Variants in USP10 observed in about 807,000 individuals in gnomAD.
The protein encoded by USP10 is ubiquitin specific peptidase 10, also known as ubiquitin carboxyl-terminal hydrolase 10.
In USP10, 22 loss-of-function variants were observed where a neutral mutation model predicts 84.5. The observed-to-expected ratio is 0.26, with a 90% CI of 0.19 to 0.37. The LOEUF (loss-of-function observed/expected upper bound fraction) is 0.37. Among genes scored for constraint, USP10 ranks in the 10% least tolerant of loss-of-function variants. The pLI, the probability that USP10 is intolerant of heterozygous loss-of-function variation, is 1.00. For synonymous variants in USP10, 454 were observed against 387.6 expected, an observed-to-expected ratio of 1.17 and a Z score of -2.01; for missense variants, 1,019 against 998.9, an observed-to-expected ratio of 1.02 and a Z score of -0.27.
intron 1 of USP10, among the ~76,000 whole-genome samples, chr16:84,704,063 G>C (rs758298591): frequency 2.6e-4 from 39 of 152,238 alleles, no homozygotes; most frequent in South Asian, 1.2e-3. Flanking sequence ...TAAGCGGCAC[G>C]TTGCACTGTG....
At chr16:84,768,480 A>G (rs1185448772) in intron 11 of USP10, 122 bp downstream of exon 11, 13 of 953,920 alleles carry the variant, frequency 1.4e-5, no homozygotes, top group Admixed American at 3.5e-5. Context: ...TTGCTTAACC[A>G]TTTTGTACTG....
At chr16:84,735,714 G>C (rs970078088) in intron 2 of USP10, among the ~76,000 whole-genome samples, 2 of 152,156 alleles carry the variant, frequency 1.3e-5, no homozygotes, top group South Asian at 2.1e-4. Context: ...TCATGAAAAT[G>C]AGCTCAAGCT....
At chr16:84,758,928 G>C (rs977563554) in intron 5 of USP10, 121 bp downstream of exon 5, 37 of 736,358 alleles carry the variant, frequency 5.0e-5, no homozygotes, top group Non-Finnish European at 5.8e-5. Flanking sequence ...CCTAAGTCTG[G>C]TTTATTACTT....
chr16:84,712,241 G>A (rs1387889446), intron 1 of USP10, among the ~76,000 whole-genome samples: 1 of 152,240 alleles, frequency 6.6e-6, no homozygotes, highest in Non-Finnish European at 1.5e-5. Flanking sequence ...GCAGTCAGCT[G>A]TGTACAGAGG....
At chr16:84,731,522 C>G (rs1909230086) in intron 1 of USP10, among the ~76,000 whole-genome samples, 1 of 151,924 alleles carries the variant, frequency 6.6e-6, no homozygotes, top group African/African-American at 2.4e-5. Flanking sequence ...TTTCCTCCCC[C>G]CAAGAAAAAG....
intron 1 of USP10, among the ~76,000 whole-genome samples, chr16:84,705,876 C>T (rs991125007): frequency 4.6e-5 from 7 of 151,754 alleles, no homozygotes; most frequent in South Asian, 2.1e-4. Context: ...CCTGCTACCA[C>T]GCCCAGCTAA....
At chr16:84,761,174 G>A (rs1913166008) in intron 8 of USP10, among the ~76,000 whole-genome samples, 1 of 152,190 alleles carries the variant, frequency 6.6e-6, no homozygotes, top group Non-Finnish European at 1.5e-5. Flanking sequence ...GAGGGAATGA[G>A]TTAATGAATA....
chr16:84,717,300 C>T (rs1187655788), intron 1 of USP10, among the ~76,000 whole-genome samples: 2 of 151,954 alleles, frequency 1.3e-5, no homozygotes, highest in Non-Finnish European at 2.9e-5. Flanking sequence ...GGTCTGCTGC[C>T]ACCCAAAAAA....
At chr16:84,741,199 C>T (rs995321819) in intron 3 of USP10, among the ~76,000 whole-genome samples, 2 of 152,148 alleles carry the variant, frequency 1.3e-5, no homozygotes, top group African/African-American at 4.8e-5. Flanking sequence ...ACTAACCAAA[C>T]GTTTTATCTC....
chr16:84,723,692 C>T (rs950684407), intron 1 of USP10, among the ~76,000 whole-genome samples: 7 of 152,236 alleles, frequency 4.6e-5, no homozygotes, highest in Admixed American at 2.6e-4. Flanking sequence ...AAAGATGGAT[C>T]TAACTCGATT....
chr16:84,771,737 G>A (rs936648073), intron 11 of USP10, among the ~76,000 whole-genome samples: 3 of 151,790 alleles, frequency 2.0e-5, no homozygotes, highest in African/African-American at 7.3e-5. Context: ...ATGTGGTGGT[G>A]GGAGCCTGTA....
At chr16:84,716,345 G>A (rs919066551) in intron 1 of USP10, 17 of 152,180 alleles carry the variant, frequency 1.1e-4, no homozygotes, top group African/African-American at 4.1e-4. Context: ...TCAGCCTCAG[G>A]TTCCAATCCT....
At chr16:84,758,502 C>T (rs1199967210) in intron 4 of USP10, among the ~76,000 whole-genome samples, 1 of 152,108 alleles carries the variant, frequency 6.6e-6, no homozygotes, top group Non-Finnish European at 1.5e-5. Flanking sequence ...TTAAATGTTG[C>T]TATTTGAGGG....
intron 1 of USP10, among the ~76,000 whole-genome samples, chr16:84,719,763 C>T (rs1191423744): frequency 6.6e-6 from 1 of 152,146 alleles, no homozygotes; most frequent in East Asian, 1.9e-4. Context: ...AACTTAAATA[C>T]ATAATTAAAG....
At position 84,759,921 on chromosome 16, in the gene USP10, G is replaced by T. The variant is rs760341393; in HGVS notation, c.1425G>T (p.Met475Ile). 8.1e-6 allele frequency: 13 copies of T among 1,613,922 alleles called. No individual in the cohort carries two copies. In the South Asian group the frequency reaches 1.4e-4, roughly 18 times the overall value. Residue 475 changes from methionine to isoleucine, a missense_variant, in exon 7 of 14, where the codon ATG becomes ATT. Transcript: ENST00000219473. Reference protein sequence around the residue: ...FVRLMNEFTNMPVPPKPRQAL... With the variant: ...FVRLMNEFTNIPVPPKPRQAL... Reference sequence around the variant, plus strand: ...GGCTAATGAATGAGTTCACTAATATGCCAGTACCTCCAAAACCCCGACAAG... The same window carrying T: ...GGCTAATGAATGAGTTCACTAATATTCCAGTACCTCCAAAACCCCGACAAG...
intron 9 of USP10, among the ~76,000 whole-genome samples, chr16:84,763,408 G>A (rs546480703): frequency 5.3e-4 from 80 of 152,186 alleles, no homozygotes; most frequent in Non-Finnish European, 9.0e-4. Context: ...TACACACACT[G>A]TGTATATATA....
chr16:84,711,141 T>G (rs1255882357), intron 1 of USP10, among the ~76,000 whole-genome samples: 1 of 152,226 alleles, frequency 6.6e-6, no homozygotes, highest in African/African-American at 2.4e-5. Flanking sequence ...GATTTCAGTT[T>G]GGCTTGGCAT....
intron 11 of USP10, 76 bp downstream of exon 11, chr16:84,768,434 AG>A (rs1413168519): frequency 1.7e-5 from 23 of 1,381,154 alleles, no homozygotes; most frequent in Non-Finnish European, 2.0e-5. Context: ...ATTAGGAATG[AG>A]GGGAAATGGG....
At chr16:84,745,898 G>C (rs1385101832) in intron 4 of USP10, among the ~76,000 whole-genome samples, 1 of 152,220 alleles carries the variant, frequency 6.6e-6, no homozygotes, top group Non-Finnish European at 1.5e-5. Flanking sequence ...ATCCATGTCT[G>C]TTAGCAGTTC....
Sources: allele counts gnomAD v4.1 joint callset (sites outside exome capture counted in the v4.1 genomes callset), GRCh38; gene constraint gnomAD v4.1.1; transcripts MANE v1.5; gene names NCBI Gene and HGNC (gene_info 2026-07-23, HGNC 2026-07-21).